The following CENPP variants were observed in gnomAD, a reference collection of about 807,000 sequenced individuals.
The protein encoded by CENPP is centromere protein P.
CENPP carries 24 observed loss-of-function variants against 35.6 expected under a neutral mutation model. The observed-to-expected ratio is 0.67, with a 90% CI of 0.49 to 0.95. The LOEUF is 0.95. Ranked by LOEUF, CENPP falls within the 40% of genes least tolerant of loss-of-function variation. The pLI is 0.00. For missense variants in CENPP, 332 were observed against 345.3 expected (o/e 0.96, Z 0.31); for synonymous variants, 120 against 125.5 (o/e 0.96, Z 0.29).
intron 5 of CENPP, among the ~76,000 whole-genome samples, chr9:92,597,424 C>T (rs1200264650): frequency 6.6e-6 from 1 of 152,132 alleles, no homozygotes; most frequent in Non-Finnish European, 1.5e-5. Flanking sequence ...TAAATGGGAT[C>T]ATAACTTTAA....
At chr9:92,547,875 C>A (rs1309239505) in intron 5 of CENPP, among the ~76,000 whole-genome samples, 1 of 151,832 alleles carries the variant, frequency 6.6e-6, no homozygotes, top group East Asian at 1.9e-4. Context: ...TTTCTGGGAA[C>A]AAAACAGTGA....
chr9:92,406,116 G>C (rs1455484226), intron 5 of CENPP, among the ~76,000 whole-genome samples: 1 of 152,214 alleles, frequency 6.6e-6, no homozygotes, highest in African/African-American at 2.4e-5. Context: ...GGATAGGAGA[G>C]GAGGGTAAGC....
intron 5 of CENPP, chr9:92,510,144 T>C: frequency 2.4e-6 from 3 of 1,263,642 alleles, no homozygotes; most frequent in Non-Finnish European, 3.2e-6. Context: ...TCCTTAGGCT[T>C]AGACAGTAAT....
In CENPP at chr9:92,456,968, G is replaced by C. The variant is rs1460131718; in HGVS notation, c.564+77109G>C. On this transcript the variant is annotated intron_variant, in intron 5 of 7. Transcript: ENST00000375587. ...TACAGTACAGTTCTTTTTAAAATAT[G>C]CTTGATAACAAAGTGTTAAATACCG... 2.8e-6 allele frequency: 3 copies of C among 1,081,840 alleles called. No individual in the cohort carries two copies. In the South Asian group the frequency reaches 9.3e-5, roughly 33 times the overall value. 67.0% of individuals were successfully genotyped at this position (1,081,840 alleles called of 1,614,324 possible).
chr9:92,572,557 A>T (rs1417104486), intron 5 of CENPP, among the ~76,000 whole-genome samples: 1 of 152,042 alleles, frequency 6.6e-6, no homozygotes, highest in African/African-American at 2.4e-5. Flanking sequence ...GAATCTGACA[A>T]TTATGTGTCT....
In CENPP at chr9:92,619,727, G is replaced by A. The variant is rs868715047; in HGVS notation, c.*6578G>A. On this transcript the variant is annotated 3_prime_UTR_variant, in exon 8 of 8. Coordinates refer to ENST00000375587, the MANE Select transcript of CENPP (RefSeq NM_001012267.3). ...CGGTGAGCACGGGCGTCAGGAGGTC[G>A]CCCTGTGAGAGCACCTGGGCCAGCC... is the stretch of plus-strand genomic sequence containing the variant. The A allele has an allele frequency of 8.7e-5, 57 of 656,714 alleles. No individual in the cohort carries two copies. Among genetic ancestry groups the A allele is most frequent in the Non-Finnish European group, 1.4e-4 (51 of 370,180 alleles). The allele number at this position is 656,714 out of a possible 1,614,324, so 40.7% of individuals were successfully genotyped here.
intron 5 of CENPP, among the ~76,000 whole-genome samples, chr9:92,549,656 A>C (rs1849544756): frequency 6.9e-6 from 1 of 144,306 alleles, no homozygotes; most frequent in South Asian, 2.1e-4. Flanking sequence ...CAAAAAAAAA[A>C]AACAAAACAA....
rs752498840 is a variant in CENPP at position 92,502,701 on chromosome 9, C to A, written c.565-108613C>A. The stretch of plus-strand genomic sequence containing the variant: ...TATTTTTCTTTTGTGTTAGTTGATA[C>A]GTTCAATTTCATGGAGACTAAAATA... On this transcript the variant is annotated intron_variant, in intron 5 of 7. Coordinates refer to ENST00000375587, the MANE Select transcript of CENPP (RefSeq NM_001012267.3). 18 of 1,410,422 alleles carry A rather than the reference C, an allele frequency of 1.3e-5. No homozygotes were observed. In the South Asian group the frequency reaches 2.1e-4, roughly 17 times the overall value. 87.4% of individuals were successfully genotyped at this position (1,410,422 alleles called of 1,614,324 possible). A position where few individuals can be genotyped will look rare whatever the true frequency, so the allele number is the denominator to read the frequency against.
chr9:92,422,868 T>A (rs1843851882), intron 5 of CENPP, among the ~76,000 whole-genome samples: 1 of 152,250 alleles, frequency 6.6e-6, no homozygotes. Flanking sequence ...TTGTTACTTC[T>A]GCTTTTCATA....
chr9:92,417,650 A>G (rs1229687796), intron 5 of CENPP: 2 of 801,422 alleles, frequency 2.5e-6, no homozygotes, highest in Non-Finnish European at 3.9e-6. Context: ...ATTCTCAGTT[A>G]TATGAAATGT....
chr9:92,526,470 TCAA>T (rs1288260928), intron 5 of CENPP, among the ~76,000 whole-genome samples: 9 of 151,552 alleles, frequency 5.9e-5, no homozygotes, highest in Non-Finnish European at 1.2e-4. Flanking sequence ...AACACCTACA[TCAA>T]CAAGTAGAAA....
intron 5 of CENPP, chr9:92,475,050 A>G: frequency 9.5e-7 from 1 of 1,057,512 alleles, no homozygotes; most frequent in South Asian, 2.4e-5. Flanking sequence ...CTGAGAGTAA[A>G]TTTATAAAGA....
chr9:92,420,838 T>C (rs1443069711), intron 5 of CENPP, among the ~76,000 whole-genome samples: 1 of 152,192 alleles, frequency 6.6e-6, no homozygotes, highest in Non-Finnish European at 1.5e-5. Flanking sequence ...TTTCTTTCTT[T>C]TCTGTGAGAT....
intron 5 of CENPP, among the ~76,000 whole-genome samples, chr9:92,415,675 T>C (rs925028884): frequency 6.7e-6 from 1 of 150,244 alleles, no homozygotes; most frequent in Non-Finnish European, 1.5e-5. Context: ...TAACAAAATA[T>C]ATATGGCTTC....
intron 5 of CENPP, among the ~76,000 whole-genome samples, chr9:92,533,183 C>G (rs995117791): frequency 2.0e-5 from 3 of 149,254 alleles, no homozygotes; most frequent in African/African-American, 7.4e-5. Flanking sequence ...GCGTGTAGTC[C>G]CAGATACTCA....
intron 5 of CENPP, among the ~76,000 whole-genome samples, chr9:92,436,859 A>C (rs546392940): frequency 6.6e-6 from 1 of 152,292 alleles, no homozygotes; most frequent in South Asian, 2.1e-4. Context: ...TGGCTATTCT[A>C]GTTCCTTTGC....
chr9:92,375,468 G>T (rs555950275), intron 4 of CENPP, among the ~76,000 whole-genome samples: 200 of 150,218 alleles, frequency 1.3e-3, no homozygotes, highest in African/African-American at 1.8e-3. Context: ...AATTTTTGTG[G>T]TTTTTTTTTA....
At chr9:92,583,160 C>A (rs1850468681) in intron 5 of CENPP, among the ~76,000 whole-genome samples, 1 of 152,152 alleles carries the variant, frequency 6.6e-6, no homozygotes, top group Admixed American at 6.5e-5. Flanking sequence ...TTGGTCTCAT[C>A]AATTATTATC....
chr9:92,378,196 A>G (rs1308103276), intron 4 of CENPP, among the ~76,000 whole-genome samples: 2 of 152,172 alleles, frequency 1.3e-5, no homozygotes, highest in African/African-American at 4.8e-5. Context: ...TATTGTTGGC[A>G]GTGATGGTTG....
Sources: allele counts gnomAD v4.1 joint callset (sites outside exome capture counted in the v4.1 genomes callset), GRCh38; gene constraint gnomAD v4.1.1; transcripts MANE v1.5; gene names NCBI Gene and HGNC (gene_info 2026-07-23, HGNC 2026-07-21).